ZHX2: variants seen among roughly 807,000 people sequenced by gnomAD.
The protein encoded by ZHX2 is zinc fingers and homeoboxes 2.
In ZHX2, 6 loss-of-function variants were observed where a neutral mutation model predicts 21.9. The observed-to-expected ratio is 0.27, with a 90% CI of 0.15 to 0.54. ZHX2 has a LOEUF of 0.54. Among genes scored for constraint, ZHX2 ranks in the 20% least tolerant of loss-of-function variants. The pLI, the probability that ZHX2 is intolerant of heterozygous loss-of-function variation, is 0.95. For synonymous variants in ZHX2, 434 were observed against 437.1 expected, an observed-to-expected ratio of 0.99 and a Z score of 0.09; for missense variants, 908 against 1,090.7, an observed-to-expected ratio of 0.83 and a Z score of 2.36.
At chr8:122,899,719 C>G (rs923844132) in intron 2 of ZHX2, among the ~76,000 whole-genome samples, 2 of 152,154 alleles carry the variant, frequency 1.3e-5, no homozygotes, top group African/African-American at 4.8e-5. Context: ...TTGCTGATCT[C>G]CTGTCTTACA....
chr8:122,871,027 G>T (rs1477609325), intron 2 of ZHX2, among the ~76,000 whole-genome samples: 1 of 152,148 alleles, frequency 6.6e-6, no homozygotes, highest in Non-Finnish European at 1.5e-5. Flanking sequence ...AACCGGTGGA[G>T]CGGGCAGGAC....
intron 1 of ZHX2, among the ~76,000 whole-genome samples, chr8:122,842,257 T>C (rs1444084620): frequency 6.6e-6 from 1 of 152,178 alleles, no homozygotes; most frequent in Non-Finnish European, 1.5e-5. Flanking sequence ...AGAACATTGG[T>C]CTTCAGCACC....
rs569905086 is a variant in ZHX2, at chr8:122,925,968, G to A, written c.-219-25324G>A. 1.8e-4 allele frequency among the ~76,000 whole-genome samples: 27 copies of A among 152,268 alleles called. 1 individual carries two copies. The highest frequency in any genetic ancestry group is 6.3e-4 in the African/African-American group (26 of 41,542). On this transcript the variant is annotated intron_variant, in intron 2 of 3. Coordinates refer to ENST00000314393, the MANE Select transcript of ZHX2 (RefSeq NM_014943.5). ...CACACACAGAAATGGACTTTCTGGT[G>A]ACGGCTTAAGTGAGATGACAGCCCA...
intron 1 of ZHX2, among the ~76,000 whole-genome samples, chr8:122,804,238 A>T (rs1313995472): frequency 3.3e-5 from 5 of 152,122 alleles, no homozygotes; most frequent in Admixed American, 3.3e-4. Flanking sequence ...CCTCCCAAGC[A>T]GCTGGGACCA....
rs776537686 is a variant in ZHX2 at position 122,952,134 on chromosome 8, C to A, written c.624C>A (p.Pro208=). Residue 208 remains proline (P), a synonymous_variant, in exon 3 of 4, where the codon CCC becomes CCA. Coordinates refer to ENST00000314393, the MANE Select transcript of ZHX2 (RefSeq NM_014943.5). This position sits in a 1 kb window ranked among gnomAD's most constrained non-coding sequence, Gnocchi z 6.9. ...KVPKKPEEIT[P]ENHVEGTARL... ...CCAAGAAGCCCGAGGAGATCACCCC[C>A]GAGAACCACGTGGAAGGGACCGCCC... 1 of 1,613,628 alleles carries A rather than the reference C, an allele frequency of 6.2e-7. No individual in the cohort carries two copies. The highest frequency in any genetic ancestry group is 1.7e-5 in the Admixed American group (1 of 59,968).
chr8:122,889,399 G>T (rs1586363540), intron 2 of ZHX2, among the ~76,000 whole-genome samples: 1 of 152,062 alleles, frequency 6.6e-6, no homozygotes, highest in African/African-American at 2.4e-5. Flanking sequence ...GTTATTTTTT[G>T]TCTTTTTGAT....
intron 2 of ZHX2, among the ~76,000 whole-genome samples, chr8:122,949,358 GT>G (rs1813054453): frequency 6.6e-6 from 1 of 151,958 alleles, no homozygotes; most frequent in African/African-American, 2.4e-5. Flanking sequence ...ACTGGGAAAA[GT>G]TTTGCAACAA....
intron 1 of ZHX2, among the ~76,000 whole-genome samples, chr8:122,798,381 T>TA (rs1048184519): frequency 1.3e-5 from 2 of 152,150 alleles, no homozygotes; most frequent in African/African-American, 4.8e-5. Context: ...CCCTGATTTT[T>TA]AAAAATATCA....
At chr8:122,886,034 C>T (rs1386985612) in intron 2 of ZHX2, among the ~76,000 whole-genome samples, 1 of 152,078 alleles carries the variant, frequency 6.6e-6, no homozygotes, top group African/African-American at 2.4e-5. Flanking sequence ...TACCAAAATG[C>T]CAATACAAGT....
Position 122,933,435 on chromosome 8 carries a change from A to AT in ZHX2, c.-219-17848dup, listed in dbSNP as rs890198886. On this transcript the variant is annotated intron_variant, in intron 2 of 3. Transcript: ENST00000314393. ...TGTTTCTTCTTTCTGTCTTAGCAAG[A>AT]TTTTTTTTTCTGCTTTCAGAAACAC... Among the ~76,000 whole-genome samples the AT allele has an allele frequency of 1.1e-4, 16 of 151,624 alleles. 1 individual carries two copies. The highest frequency in any genetic ancestry group is 8.4e-4 in the South Asian group (4 of 4,782).
chr8:122,918,933 C>T (rs1820668575), intron 2 of ZHX2, among the ~76,000 whole-genome samples: 1 of 139,928 alleles, frequency 7.1e-6, no homozygotes, highest in Non-Finnish European at 1.5e-5. Context: ...GGTGACCGAG[C>T]AAGACTCCAC....
At chr8:122,865,388 A>C (rs1819267256) in intron 2 of ZHX2, among the ~76,000 whole-genome samples, 1 of 152,140 alleles carries the variant, frequency 6.6e-6, no homozygotes, top group Non-Finnish European at 1.5e-5. Context: ...TCAGCCTTCC[A>C]AAGTGCTGGG....
intron 2 of ZHX2, among the ~76,000 whole-genome samples, chr8:122,945,728 C>G (rs1812959205): frequency 1.3e-5 from 2 of 152,214 alleles, no homozygotes; most frequent in African/African-American, 2.4e-5. Context: ...TACCTCCCCT[C>G]CCTTCTCTTG....
chr8:122,856,571 TTC>T, intron 1 of ZHX2, among the ~76,000 whole-genome samples: 1 of 152,266 alleles, frequency 6.6e-6, no homozygotes, highest in East Asian at 1.9e-4. Context: ...AGCTGTGTAT[TTC>T]TCTCAGAAAC....
chr8:122,785,129 T>C (rs1025383048), intron 1 of ZHX2, among the ~76,000 whole-genome samples: 2 of 152,250 alleles, frequency 1.3e-5, no homozygotes, highest in African/African-American at 4.8e-5. Context: ...ATGATTCTTC[T>C]GCTCTGAGGG....
chr8:122,914,477 T>C (rs1820552084), intron 2 of ZHX2, among the ~76,000 whole-genome samples: 1 of 152,164 alleles, frequency 6.6e-6, no homozygotes, highest in Non-Finnish European at 1.5e-5. Context: ...CCAGGCCCCA[T>C]TTCAGCCCTG....
intron 1 of ZHX2, among the ~76,000 whole-genome samples, chr8:122,783,809 A>G (rs1015176193): frequency 3.9e-5 from 6 of 152,250 alleles, no homozygotes; most frequent in Admixed American, 3.9e-4. Context: ...AGCTGTATAC[A>G]CAGCTTCTTT....
chr8:122,868,940 A>T (rs182561772), intron 2 of ZHX2, among the ~76,000 whole-genome samples: 1 of 152,332 alleles, frequency 6.6e-6, no homozygotes, highest in African/African-American at 2.4e-5. Flanking sequence ...AGCACCCCTG[A>T]TCACAGAAGC....
chr8:122,954,083 C>T (rs1388024368), intron 3 of ZHX2, 55 bp downstream of exon 3: 16 of 1,464,742 alleles, frequency 1.1e-5, no homozygotes, highest in Non-Finnish European at 1.5e-5. Context: ...GCTTTCTTTT[C>T]GTTGCCAGGG....
Sources: gnomAD v4.1 joint callset for allele counts (sites outside exome capture counted in the v4.1 genomes callset) on GRCh38, gnomAD v4.1.1 for gene constraint, Gnocchi (gnomAD v3.1) non-coding constraint, MANE v1.5 for transcripts, NCBI Gene and HGNC (gene_info 2026-07-23, HGNC 2026-07-21) for gene names.